Variants in TMEFF2 observed in about 807,000 individuals in gnomAD.
TMEFF2 encodes the protein tomoregulin-2.
TMEFF2 carries 28 observed loss-of-function variants against 53.8 expected under a neutral mutation model. That is an observed-to-expected ratio of 0.52 (90% confidence interval 0.39 to 0.71). TMEFF2 has a LOEUF of 0.71. Ranked by LOEUF, TMEFF2 falls within the 30% of genes least tolerant of loss-of-function variation. TMEFF2 has a pLI of 0.00. For synonymous variants in TMEFF2, 162 were observed against 166.3 expected, an observed-to-expected ratio of 0.97 and a Z score of 0.20; for missense variants, 353 against 455.2, an observed-to-expected ratio of 0.78 and a Z score of 2.04.
At position 192,109,889 on chromosome 2, in the gene TMEFF2, C is replaced by T. The variant is rs577453620; in HGVS notation, c.440-52114G>A. ...CAATTACACTTCCAAGTCTGAACCT[C>T]AGAGAATTCTGGATGAGAGACCTAA... On this transcript the variant is annotated intron_variant, in intron 4 of 9. Transcript: ENST00000272771. Among the ~76,000 whole-genome samples, 181 of 152,072 alleles carry T rather than the reference C, an allele frequency of 1.2e-3. 1 individual carries two copies. Among genetic ancestry groups the T allele is most frequent in the African/African-American group, 4.2e-3 (175 of 41,482 alleles).
chr2:192,175,146 T>C (rs1023263657), intron 4 of TMEFF2, among the ~76,000 whole-genome samples: 1 of 151,664 alleles, frequency 6.6e-6, no homozygotes, highest in Admixed American at 6.6e-5. Flanking sequence ...CCAGAAATCT[T>C]GCAAAAATAC....
chr2:192,024,691 T>C (rs570216634), intron 5 of TMEFF2, among the ~76,000 whole-genome samples: 18 of 152,334 alleles, frequency 1.2e-4, no homozygotes, highest in African/African-American at 4.3e-4. Context: ...TGCCAGAATT[T>C]TACTTTTTTA....
chr2:192,143,164 C>T (rs1690176405), intron 4 of TMEFF2, among the ~76,000 whole-genome samples: 1 of 152,072 alleles, frequency 6.6e-6, no homozygotes, highest in Non-Finnish European at 1.5e-5. Flanking sequence ...ACTCACCAGC[C>T]CCTACTACTC....
chr2:192,001,671 A>G (rs1415782039), intron 5 of TMEFF2, among the ~76,000 whole-genome samples: 2 of 152,238 alleles, frequency 1.3e-5, no homozygotes, highest in Non-Finnish European at 2.9e-5. Flanking sequence ...TGTTCTCATG[A>G]TAGTGAATAA....
chr2:192,190,922 T>C (rs77689507), intron 2 of TMEFF2, among the ~76,000 whole-genome samples: 2,453 of 152,206 alleles, frequency 0.016, 37 homozygotes, highest in Middle Eastern at 0.024. Flanking sequence ...AAAGTTTTCA[T>C]TATCTCACAT....
chr2:192,026,596 T>C (rs1686976248), intron 5 of TMEFF2, among the ~76,000 whole-genome samples: 1 of 152,180 alleles, frequency 6.6e-6, no homozygotes, highest in Non-Finnish European at 1.5e-5. Context: ...AGGCAGAGGT[T>C]GAGTCCAGCC....
At chr2:192,088,060 G>A (rs749139395) in intron 4 of TMEFF2, among the ~76,000 whole-genome samples, 2 of 152,128 alleles carry the variant, frequency 1.3e-5, no homozygotes, top group Non-Finnish European at 2.9e-5. Flanking sequence ...CTAAGAAACT[G>A]CAGCATTTCA....
At chr2:192,057,131 C>G (rs192755587) in intron 5 of TMEFF2, among the ~76,000 whole-genome samples, 1 of 152,158 alleles carries the variant, frequency 6.6e-6, no homozygotes, top group Non-Finnish European at 1.5e-5. Context: ...GTAGCCTTAA[C>G]CTCCTGTGCT....
At chr2:192,134,808 C>T (rs1051931735) in intron 4 of TMEFF2, among the ~76,000 whole-genome samples, 30 of 152,292 alleles carry the variant, frequency 2.0e-4, no homozygotes, top group East Asian at 5.8e-4. Context: ...GTTTAGCCTT[C>T]CCACCTCTAT....
intron 4 of TMEFF2, among the ~76,000 whole-genome samples, chr2:192,154,959 A>G (rs968180654): frequency 1.3e-5 from 2 of 151,928 alleles, no homozygotes; most frequent in Non-Finnish European, 2.9e-5. Context: ...AAAACTTATA[A>G]GATCTTTATG....
chr2:192,069,535 A>G (rs1273157292), intron 4 of TMEFF2, among the ~76,000 whole-genome samples: 1 of 151,804 alleles, frequency 6.6e-6, no homozygotes, highest in Non-Finnish European at 1.5e-5. Flanking sequence ...AAACCAAAAA[A>G]AACCCCACAA....
At chr2:192,136,931 A>G (rs1690022129) in intron 4 of TMEFF2, among the ~76,000 whole-genome samples, 1 of 152,234 alleles carries the variant, frequency 6.6e-6, no homozygotes, top group South Asian at 2.1e-4. Flanking sequence ...GTTATAATCT[A>G]CTTAGGCACT....
intron 5 of TMEFF2, among the ~76,000 whole-genome samples, chr2:192,025,336 G>A (rs369741994): frequency 6.6e-6 from 1 of 151,502 alleles, no homozygotes; most frequent in African/African-American, 2.4e-5. Context: ...CTGATGCTGG[G>A]TAAGGTCTTA....
chr2:192,004,614 C>G (rs1364145482), intron 5 of TMEFF2, among the ~76,000 whole-genome samples: 1 of 151,524 alleles, frequency 6.6e-6, no homozygotes, highest in African/African-American at 2.4e-5. Context: ...GACCCCGTCT[C>G]TAAATAAATA....
intron 7 of TMEFF2, among the ~76,000 whole-genome samples, chr2:191,959,522 G>A (rs1374243456): frequency 6.6e-6 from 1 of 152,188 alleles, no homozygotes; most frequent in East Asian, 1.9e-4. Flanking sequence ...GGCAAATGGT[G>A]AGGCCTTACC....
At chr2:191,984,384 T>G (rs980085453) in intron 7 of TMEFF2, among the ~76,000 whole-genome samples, 6 of 152,094 alleles carry the variant, frequency 3.9e-5, no homozygotes, top group Non-Finnish European at 8.8e-5. Flanking sequence ...ATTGGTGACT[T>G]CCTTACTTTC....
chr2:192,012,870 A>T (rs1435784439), intron 5 of TMEFF2, among the ~76,000 whole-genome samples: 1 of 152,224 alleles, frequency 6.6e-6, no homozygotes, highest in Non-Finnish European at 1.5e-5. Flanking sequence ...GTAAAAATGT[A>T]TACAAATTAA....
At chr2:192,169,055 T>C (rs754696131) in intron 4 of TMEFF2, among the ~76,000 whole-genome samples, 39 of 152,078 alleles carry the variant, frequency 2.6e-4, no homozygotes, top group Admixed American at 1.9e-3. Flanking sequence ...AATGCATTGG[T>C]TCAGCTGAGC....
chr2:192,001,239 A>G (rs1263033198), intron 5 of TMEFF2, among the ~76,000 whole-genome samples: 2 of 152,186 alleles, frequency 1.3e-5, no homozygotes, highest in African/African-American at 4.8e-5. Context: ...TGAAAAACAG[A>G]AAGGTATGTT....
Sources: gnomAD v4.1 joint callset for allele counts (sites outside exome capture counted in the v4.1 genomes callset) on GRCh38, gnomAD v4.1.1 for gene constraint, MANE v1.5 for transcripts, NCBI Gene and HGNC (gene_info 2026-07-23, HGNC 2026-07-21) for gene names.